Variants in PRKAG2 observed in about 807,000 individuals in gnomAD.
The protein encoded by PRKAG2 is 5'-AMP-activated protein kinase subunit gamma-2.
PRKAG2 carries 26 observed loss-of-function variants against 69.6 expected under a neutral mutation model. The observed-to-expected ratio is 0.37, with a 90% confidence interval of 0.27 to 0.52. The LOEUF (loss-of-function observed/expected upper bound fraction) is 0.52, where lower values mean the gene tolerates loss of function less well. Ranked by LOEUF, PRKAG2 falls within the 20% of genes least tolerant of loss-of-function variation. PRKAG2 has a pLI of 0.90. For missense variants in PRKAG2, 557 were observed against 740.0 expected (o/e 0.75, Z 2.87); for synonymous variants, 293 against 285.0 (o/e 1.03, Z -0.28).
chr7:151,576,319 T>A, intron 7 of PRKAG2, 52 bp downstream of exon 7: 1 of 1,441,948 alleles, frequency 6.9e-7, no homozygotes, highest in Non-Finnish European at 9.7e-7. Context: ...ACTTTAGGCT[T>A]TCTGCTTTCA....
chr7:151,771,723 T>C lies in PRKAG2; in HGVS notation c.466+9429A>G, dbSNP rs2076031554. On this transcript the variant is annotated intron_variant, in intron 3 of 15. Coordinates refer to ENST00000287878, the MANE Select transcript of PRKAG2 (RefSeq NM_016203.4). The surrounding 1 kb of genome is among the most constrained non-coding windows in gnomAD (Gnocchi z 4.0). ...TCTGGTCTAGCACGTGTTTTTCACG[T>C]TTATATTGTTGTTTTGTTTCATTTT... 6.6e-6 allele frequency among the ~76,000 whole-genome samples: 1 copy of C among 152,220 alleles called. No homozygotes were observed. Among genetic ancestry groups the C allele is most frequent in the African/African-American group, 2.4e-5 (1 of 41,446 alleles).
intron 3 of PRKAG2, among the ~76,000 whole-genome samples, chr7:151,717,723 G>C (rs774558303): frequency 1.3e-5 from 2 of 152,164 alleles, no homozygotes; most frequent in Admixed American, 1.3e-4. Flanking sequence ...GGATGAAAAA[G>C]CTTTGGATCT....
chr7:151,854,068 C>A (rs1419554235), intron 1 of PRKAG2, among the ~76,000 whole-genome samples: 2 of 152,214 alleles, frequency 1.3e-5, no homozygotes, highest in Non-Finnish European at 2.9e-5. Context: ...AAAGGCAAAG[C>A]CCACTCCTGT....
Position 151,687,276 on chromosome 7 carries a change from T to C in PRKAG2, c.467-11639A>G, listed in dbSNP as rs79314131. On this transcript the variant is annotated intron_variant, in intron 3 of 15. Transcript: ENST00000287878. ...CAAAACGTAACCCTAGATACTTCGCTTGGGCAAAAGACAACAGCAGATATG... is the reference window on the plus strand; with the variant it reads ...CAAAACGTAACCCTAGATACTTCGCCTGGGCAAAAGACAACAGCAGATATG... Among the ~76,000 whole-genome samples the C allele has an allele frequency of 8.2e-3, 1,247 of 152,308 alleles. 21 individuals carry two copies. Among genetic ancestry groups the C allele is most frequent in the African/African-American group, 0.028 (1,166 of 41,566 alleles).
chr7:151,806,417 G>C (rs1451733499), intron 1 of PRKAG2: 3 of 152,872 alleles, frequency 2.0e-5, no homozygotes, highest in Admixed American at 6.5e-5. Context: ...GTGCTCGCAG[G>C]CACTCAAGGA....
chr7:151,618,675 G>T (rs911898145), intron 5 of PRKAG2, among the ~76,000 whole-genome samples: 1 of 152,122 alleles, frequency 6.6e-6, no homozygotes, highest in Non-Finnish European at 1.5e-5. Context: ...TGAGGCAGGA[G>T]AATTGCTTGA....
At chr7:151,639,261 C>G (rs1826264166) in intron 4 of PRKAG2, among the ~76,000 whole-genome samples, 1 of 152,216 alleles carries the variant, frequency 6.6e-6, no homozygotes. Context: ...TACACCTCCC[C>G]TGTTTCAGGC....
At chr7:151,773,019 AAGAAAGAGAGAGAGAGAGAGAG>A (rs1359053400) in intron 3 of PRKAG2, among the ~76,000 whole-genome samples, 3 of 23,542 alleles carry the variant, frequency 1.3e-4, no homozygotes, top group African/African-American at 6.5e-4. Context: ...GAAAGAAAGA[AAGAAAGAGAGAGAGAGAGAGAG>A]AGAGAGAGAG....
intron 1 of PRKAG2, among the ~76,000 whole-genome samples, chr7:151,865,697 AAAG>A (rs1256220256): frequency 1.3e-5 from 2 of 152,244 alleles, no homozygotes; most frequent in Admixed American, 6.5e-5. Flanking sequence ...ACAAACTGAG[AAAG>A]AAGAACCAGA....
chr7:151,795,453 G>A (rs986306852), intron 1 of PRKAG2, among the ~76,000 whole-genome samples: 1 of 152,202 alleles, frequency 6.6e-6, no homozygotes, highest in African/African-American at 2.4e-5. Flanking sequence ...CAGGGGGCAG[G>A]GGAGGGGATG....
chr7:151,849,284 C>G (rs756360822), intron 1 of PRKAG2, among the ~76,000 whole-genome samples: 2 of 152,256 alleles, frequency 1.3e-5, no homozygotes, highest in African/African-American at 4.8e-5. Flanking sequence ...CCCTCCCACA[C>G]GGGGCGGTCT....
chr7:151,623,823 T>C (rs534301200), intron 5 of PRKAG2, among the ~76,000 whole-genome samples: 2 of 152,140 alleles, frequency 1.3e-5, no homozygotes, highest in African/African-American at 4.8e-5. Context: ...ATCGTATGTA[T>C]GTATAAGCTT....
intron 6 of PRKAG2, among the ~76,000 whole-genome samples, chr7:151,594,580 G>A (rs1323495903): frequency 6.6e-6 from 1 of 152,098 alleles, no homozygotes; most frequent in Non-Finnish European, 1.5e-5. Flanking sequence ...GCCCATTTTT[G>A]TGATTTTCTT....
chr7:151,851,081 C>G (rs972142930), intron 1 of PRKAG2, among the ~76,000 whole-genome samples: 13 of 152,166 alleles, frequency 8.5e-5, no homozygotes, highest in Non-Finnish European at 1.5e-5. Context: ...CCACTCACAC[C>G]CTTGCTGCCA....
chr7:151,701,949 C>A (rs1837776914), intron 3 of PRKAG2, among the ~76,000 whole-genome samples: 1 of 152,170 alleles, frequency 6.6e-6, no homozygotes, highest in African/African-American at 2.4e-5. Context: ...AACCTTCCCA[C>A]ACCTTGACTT....
chr7:151,852,390 G>A (rs772057850), intron 1 of PRKAG2, among the ~76,000 whole-genome samples: 1 of 152,196 alleles, frequency 6.6e-6, no homozygotes, highest in Non-Finnish European at 1.5e-5. Flanking sequence ...AGATACTCGG[G>A]AGGCTGAGGC....
chr7:151,598,346 A>G (rs889047036), intron 5 of PRKAG2, among the ~76,000 whole-genome samples: 2 of 152,188 alleles, frequency 1.3e-5, no homozygotes, highest in African/African-American at 4.8e-5. Flanking sequence ...TTACAGTCAG[A>G]CAGGAGGAAT....
In PRKAG2 at chr7:151,814,941, G is replaced by A; in HGVS notation, c.115-28400C>T. Reference sequence around the variant, plus strand: ...CTTTTAAAAAGACAGGCAGCAGGATGGAGGGAGGCAGGAGCAGAGGCCGAT... The same window carrying A: ...CTTTTAAAAAGACAGGCAGCAGGATAGAGGGAGGCAGGAGCAGAGGCCGAT... On this transcript the variant is annotated intron_variant, in intron 1 of 15. Coordinates refer to ENST00000287878, the MANE Select transcript of PRKAG2 (RefSeq NM_016203.4). The surrounding 1 kb of genome is among the most constrained non-coding windows in gnomAD (Gnocchi z 4.8). The A allele has an allele frequency of 8.8e-7, 1 of 1,139,818 alleles. No individual in the cohort carries two copies. Among genetic ancestry groups the A allele is most frequent in the Non-Finnish European group, 1.1e-6 (1 of 904,814 alleles). 70.6% of individuals were successfully genotyped at this position (1,139,818 alleles called of 1,614,324 possible).
chr7:151,598,102 T>C (rs1448523117), intron 5 of PRKAG2, among the ~76,000 whole-genome samples: 1 of 152,110 alleles, frequency 6.6e-6, no homozygotes, highest in Non-Finnish European at 1.5e-5. Context: ...GTGGTACCTA[T>C]AAACAATGGA....
Sources: allele counts gnomAD v4.1 joint callset (sites outside exome capture counted in the v4.1 genomes callset), GRCh38; gene constraint gnomAD v4.1.1; non-coding constraint Gnocchi (gnomAD v3.1); transcripts MANE v1.5; gene names NCBI Gene and HGNC (gene_info 2026-07-23, HGNC 2026-07-21).